SHROOM3: variants seen among roughly 807,000 people sequenced by gnomAD.
SHROOM3 encodes protein Shroom3.
A neutral mutation model predicts 138.6 loss-of-function variants in SHROOM3; 47 were observed. The ratio of observed to expected loss-of-function variants is 0.34; its 90% CI spans 0.27 to 0.43. The LOEUF (loss-of-function observed/expected upper bound fraction) is 0.43. Among genes scored for constraint, SHROOM3 ranks in the 20% least tolerant of loss-of-function variants. SHROOM3 has a pLI of 1.00. For synonymous variants in SHROOM3, 1,062 were observed against 1,063.3 expected (o/e 1.00, Z 0.02); for missense variants, 2,491 against 2,596.5 (o/e 0.96, Z 0.88).
intron 1 of SHROOM3, among the ~76,000 whole-genome samples, chr4:76,473,432 A>AC (rs1731419860): frequency 2.0e-5 from 3 of 152,010 alleles, no homozygotes; most frequent in Admixed American, 2.0e-4. Context: ...ACATAGTGAG[A>AC]CCCCATCTCT....
intron 5 of SHROOM3, among the ~76,000 whole-genome samples, chr4:76,743,862 C>T (rs903742670): frequency 1.6e-4 from 24 of 152,194 alleles, no homozygotes; most frequent in Admixed American, 1.4e-3. Flanking sequence ...CATTTAAAAT[C>T]CATATATGTA....
intron 2 of SHROOM3, among the ~76,000 whole-genome samples, chr4:76,632,680 G>A (rs999389094): frequency 2.0e-5 from 3 of 152,238 alleles, no homozygotes; most frequent in South Asian, 2.1e-4. Flanking sequence ...CTAGTGATAC[G>A]GTAATGAGGC....
intron 8 of SHROOM3, among the ~76,000 whole-genome samples, chr4:76,759,294 C>T (rs913622914): frequency 4.6e-5 from 7 of 152,208 alleles, no homozygotes; most frequent in Non-Finnish European, 1.0e-4. Flanking sequence ...AGTCAGCTGG[C>T]GAGGCCATAG....
intron 1 of SHROOM3, among the ~76,000 whole-genome samples, chr4:76,501,181 G>A (rs1387994142): frequency 1.3e-5 from 2 of 152,224 alleles, no homozygotes; most frequent in Middle Eastern, 6.8e-3. Context: ...TATAGATTAT[G>A]AGTAAAGTCC....
At chr4:76,444,843 T>A (rs2109966044) in intron 1 of SHROOM3, among the ~76,000 whole-genome samples, 1 of 152,034 alleles carries the variant, frequency 6.6e-6, no homozygotes, top group Non-Finnish European at 1.5e-5. Context: ...ACACCTGTAA[T>A]CCTAGCACTT....
rs150923607 is a variant in SHROOM3 at position 76,443,010 on chromosome 4, C to T, written c.168+6790C>T. ...AAACCTGTTTAAAAACTAAGGCAAG[C>T]AGGTTAAGTTGGGCTCAGTCTGACC... is the stretch of plus-strand genomic sequence containing the variant. On this transcript the variant is annotated intron_variant, in intron 1 of 10. Coordinates refer to ENST00000296043, the MANE Select transcript of SHROOM3 (RefSeq NM_020859.4). Among the ~76,000 whole-genome samples the T allele has an allele frequency of 5.6e-3, 851 of 152,268 alleles. 7 individuals carry two copies. The highest frequency in any genetic ancestry group is 9.0e-3 in the Non-Finnish European group (614 of 68,034).
In SHROOM3 at chr4:76,754,870, C is replaced by G. The variant is rs1472806418; in HGVS notation, c.4387C>G (p.Leu1463Val). 1.2e-6 allele frequency: 2 copies of G among 1,614,224 alleles called. No homozygotes were observed. The highest frequency in any genetic ancestry group is 1.1e-5 in the South Asian group (1 of 91,086). Residue 1463 changes from leucine to valine, a missense_variant, in exon 7 of 11, where the codon CTT becomes GTT. Coordinates refer to ENST00000296043, the MANE Select transcript of SHROOM3 (RefSeq NM_020859.4). Reference protein sequence around the residue: ...NLKHYQKQQSLPSLCSTSDPD... With the variant: ...NLKHYQKQQSVPSLCSTSDPD... ...GAAGCACTATCAAAAACAGCAGAGT[C>G]TTCCAAGTTTATGCAGCACTTCTGA...
intron 1 of SHROOM3, among the ~76,000 whole-genome samples, chr4:76,494,742 C>T (rs1384368895): frequency 6.6e-6 from 1 of 152,146 alleles, no homozygotes; most frequent in Non-Finnish European, 1.5e-5. Flanking sequence ...TGGGAGGGAC[C>T]TTTCGTGGTA....
intron 2 of SHROOM3, chr4:76,586,398 T>C: frequency 1.0e-6 from 1 of 985,642 alleles, no homozygotes; most frequent in Non-Finnish European, 1.2e-6. Context: ...CTTGGCCCAG[T>C]GTCACGCAGG....
intron 1 of SHROOM3, among the ~76,000 whole-genome samples, chr4:76,552,009 C>G (rs1230581759): frequency 2.1e-5 from 3 of 142,564 alleles, no homozygotes; most frequent in Admixed American, 6.9e-5. Flanking sequence ...CTACAGGCGC[C>G]CGCCATCACG....
At chr4:76,473,032 C>T (rs954983214) in intron 1 of SHROOM3, among the ~76,000 whole-genome samples, 1 of 152,084 alleles carries the variant, frequency 6.6e-6, no homozygotes, top group Admixed American at 6.6e-5. Flanking sequence ...GCACAAGCAA[C>T]CAGCATATGT....
chr4:76,595,681 G>C (rs1263440087), intron 2 of SHROOM3, among the ~76,000 whole-genome samples: 1 of 152,130 alleles, frequency 6.6e-6, no homozygotes, highest in Non-Finnish European at 1.5e-5. Context: ...AGATTACCAA[G>C]AATAGTATAG....
rs77123837 is a variant in SHROOM3 at position 76,741,248 on chromosome 4, G to A, written c.3075G>A (p.Lys1025=). 2.3e-4 allele frequency: 364 copies of A among 1,611,898 alleles called. 1 individual carries two copies. The African/African-American group carries it at 4.5e-3, about 20-fold the overall frequency. The part of the protein sequence containing the change: ...QKKRSYSEPE[K]MNEVGIVEEA... ...AGCGCTCCTACTCGGAGCCCGAGAAGATGAACGAGGTGGGGATCGTGGAGG... is the reference window on the plus strand; with the variant it reads ...AGCGCTCCTACTCGGAGCCCGAGAAAATGAACGAGGTGGGGATCGTGGAGG... The change falls in exon 5 of 11, where the codon AAG becomes AAA. Residue 1025 remains lysine, a synonymous_variant. Coordinates refer to ENST00000296043, the MANE Select transcript of SHROOM3 (RefSeq NM_020859.4). This position sits in a 1 kb window ranked among gnomAD's most constrained non-coding sequence, Gnocchi z 6.2.
intron 2 of SHROOM3, among the ~76,000 whole-genome samples, chr4:76,590,262 T>C (rs1734237942): frequency 6.6e-6 from 1 of 152,196 alleles, no homozygotes; most frequent in Non-Finnish European, 1.5e-5. Flanking sequence ...CCTCTGGCTT[T>C]TTCCTAGAAA....
chr4:76,646,772 CAT>C (rs1735830582), intron 2 of SHROOM3, among the ~76,000 whole-genome samples: 1 of 152,130 alleles, frequency 6.6e-6, no homozygotes. Context: ...AAAAATAACA[CAT>C]GTTGGTAAGT....
intron 2 of SHROOM3, among the ~76,000 whole-genome samples, chr4:76,692,912 G>A (rs1437405086): frequency 6.6e-6 from 1 of 152,168 alleles, no homozygotes; most frequent in East Asian, 1.9e-4. Context: ...TTTTCGTGAT[G>A]GTTTCATAGG....
intron 3 of SHROOM3, among the ~76,000 whole-genome samples, chr4:76,720,173 T>G (rs1328045080): frequency 1.4e-5 from 2 of 144,596 alleles, no homozygotes; most frequent in African/African-American, 5.2e-5. Flanking sequence ...TTTTTTTTTT[T>G]TTTTTTTGTG....
At chr4:76,621,132 T>C (rs1218111821) in intron 2 of SHROOM3, among the ~76,000 whole-genome samples, 1 of 150,426 alleles carries the variant, frequency 6.6e-6, no homozygotes, top group African/African-American at 2.5e-5. Context: ...TCCAAGAGCC[T>C]TTTATTGCCA....
intron 2 of SHROOM3, among the ~76,000 whole-genome samples, chr4:76,677,760 C>T (rs377111241): frequency 6.4e-4 from 97 of 152,284 alleles, no homozygotes; most frequent in African/African-American, 2.3e-3. Context: ...TATATTTTTC[C>T]CCCATCTTAT....
Sources: allele counts gnomAD v4.1 joint callset (sites outside exome capture counted in the v4.1 genomes callset), GRCh38; gene constraint gnomAD v4.1.1; non-coding constraint Gnocchi (gnomAD v3.1); transcripts MANE v1.5; gene names NCBI Gene and HGNC (gene_info 2026-07-23, HGNC 2026-07-21).